LRRC28: variants seen among roughly 807,000 people sequenced by gnomAD.
The protein encoded by LRRC28 is leucine rich repeat containing 28.
Under a neutral mutation model 45.7 loss-of-function variants are expected in LRRC28, and 39 were observed. The ratio of observed to expected loss-of-function variants is 0.85; its 90% CI spans 0.66 to 1.12. The LOEUF (loss-of-function observed/expected upper bound fraction) is 1.12, where lower values mean the gene tolerates loss of function less well. Among genes scored for constraint, LRRC28 ranks in the 50% most tolerant of loss-of-function variants. The pLI, the probability that LRRC28 is intolerant of heterozygous loss-of-function variation, is 0.00. For synonymous variants in LRRC28, 206 were observed against 178.8 expected (o/e 1.15, Z -1.22); for missense variants, 435 against 438.5 (o/e 0.99, Z 0.07).
At chr15:99,267,990 T>C (rs2081375947) in intron 2 of LRRC28, among the ~76,000 whole-genome samples, 1 of 152,218 alleles carries the variant, frequency 6.6e-6, no homozygotes, top group South Asian at 2.1e-4. Flanking sequence ...ACAATTTTTC[T>C]TTTTGAGGAA....
In LRRC28 at chr15:99,338,749, C is replaced by T. The variant is rs530689166; in HGVS notation, c.592+4620C>T. 9.8e-5 allele frequency among the ~76,000 whole-genome samples: 15 copies of T among 152,294 alleles called. No homozygotes were observed. The South Asian group carries it at 3.1e-3, about 32-fold the overall frequency. The stretch of plus-strand genomic sequence containing the variant: ...AGCCTCTTCAAAAGGTAACTAGAGA[C>T]ACCACCTGTAAGGATGACTTAAATC... On this transcript the variant is annotated intron_variant, in intron 6 of 9. Transcript: ENST00000301981.
chr15:99,258,923 G>A, intron 2 of LRRC28: 2 of 724,572 alleles, frequency 2.8e-6, no homozygotes, highest in Non-Finnish European at 2.6e-6. Flanking sequence ...CAAGGGTGTG[G>A]TGGACTCAGG....
intron 2 of LRRC28, among the ~76,000 whole-genome samples, chr15:99,267,657 G>A (rs909107397): frequency 3.3e-5 from 5 of 152,174 alleles, no homozygotes; most frequent in Admixed American, 2.0e-4. Context: ...TTTAGTGTTT[G>A]TAAGTAAATG....
chr15:99,372,483 A>G (rs186357033), intron 9 of LRRC28, among the ~76,000 whole-genome samples: 3 of 152,322 alleles, frequency 2.0e-5, no homozygotes, highest in African/African-American at 7.2e-5. Flanking sequence ...CTTAACCAAC[A>G]TGAATCCATT....
intron 9 of LRRC28, among the ~76,000 whole-genome samples, chr15:99,374,278 A>G (rs1261036530): frequency 1.3e-5 from 2 of 152,216 alleles, no homozygotes; most frequent in Non-Finnish European, 2.9e-5. Flanking sequence ...TTTCGTCAGC[A>G]TCTTAAATAA....
chr15:99,359,607 G>A (rs1454735988), intron 7 of LRRC28, among the ~76,000 whole-genome samples: 3 of 152,096 alleles, frequency 2.0e-5, no homozygotes, highest in Non-Finnish European at 4.4e-5. Flanking sequence ...ATTTTTCATG[G>A]CCAGTGGTCT....
intron 2 of LRRC28, among the ~76,000 whole-genome samples, chr15:99,275,149 T>C (rs956387211): frequency 1.3e-5 from 2 of 152,252 alleles, no homozygotes; most frequent in African/African-American, 4.8e-5. Context: ...TATACTTGTG[T>C]GTGTGCGTAT....
At chr15:99,312,814 C>T (rs1334416619) in intron 5 of LRRC28, among the ~76,000 whole-genome samples, 1 of 151,870 alleles carries the variant, frequency 6.6e-6, no homozygotes, top group Non-Finnish European at 1.5e-5. Flanking sequence ...CTATTGTTGA[C>T]CAAAACGTAG....
chr15:99,252,579 A>C (rs1469666242), intron 1 of LRRC28, among the ~76,000 whole-genome samples: 4 of 152,226 alleles, frequency 2.6e-5, no homozygotes, highest in Admixed American at 2.6e-4. Flanking sequence ...ACCCTCTGAG[A>C]AACTCAGTTT....
chr15:99,285,765 T>G, intron 3 of LRRC28: 1 of 517,874 alleles, frequency 1.9e-6, no homozygotes, highest in Non-Finnish European at 3.6e-6. Context: ...GTCTTTTTTA[T>G]AGGTGGAACT....
At chr15:99,269,287 A>G (rs1401880036) in intron 2 of LRRC28, among the ~76,000 whole-genome samples, 2 of 152,240 alleles carry the variant, frequency 1.3e-5, no homozygotes, top group Non-Finnish European at 2.9e-5. Context: ...TAAAACATTT[A>G]TCATTCTTAC....
chr15:99,315,928 CCTA>C (rs1315657377), intron 5 of LRRC28, among the ~76,000 whole-genome samples: 1 of 152,176 alleles, frequency 6.6e-6, no homozygotes, highest in Non-Finnish European at 1.5e-5. Context: ...ATTATCTTCA[CCTA>C]CTAGAAGCCT....
chr15:99,384,510 C>T (rs945766182), intron 9 of LRRC28: 4 of 152,146 alleles, frequency 2.6e-5, no homozygotes, highest in African/African-American at 9.7e-5. Context: ...CACTTAAGGC[C>T]ACCATAAAAA....
intron 9 of LRRC28, among the ~76,000 whole-genome samples, chr15:99,365,932 C>G (rs1213487131): frequency 6.6e-6 from 1 of 152,162 alleles, no homozygotes; most frequent in Non-Finnish European, 1.5e-5. Context: ...TTTTCACTTT[C>G]AAAACTTATT....
At chr15:99,321,082 T>G (rs1047512356) in intron 5 of LRRC28, among the ~76,000 whole-genome samples, 2 of 152,214 alleles carry the variant, frequency 1.3e-5, no homozygotes, top group East Asian at 3.8e-4. Context: ...CCTTCAGAGT[T>G]TGAGGCATGT....
intron 2 of LRRC28, among the ~76,000 whole-genome samples, chr15:99,273,259 T>C (rs1005541591): frequency 4.6e-5 from 7 of 152,124 alleles, no homozygotes; most frequent in South Asian, 2.1e-4. Context: ...TTTTTTGAGA[T>C]GGAGTCTCAC....
In LRRC28 at chr15:99,281,254, T is replaced by C. The variant is rs1395255449; in HGVS notation, c.209+4638T>C. Among the ~76,000 whole-genome samples the C allele has an allele frequency of 2.0e-5, 3 of 152,152 alleles. No individual in the cohort carries two copies. The East Asian group carries it at 5.8e-4, about 29-fold the overall frequency. On this transcript the variant is annotated intron_variant, in intron 3 of 9. Coordinates refer to ENST00000301981, the MANE Select transcript of LRRC28 (RefSeq NM_144598.5). Reference sequence around the variant, plus strand: ...GTGTTGCCCAGGCTGGCTTTCTGTGTGTGTTTTTGAGACAGGGTCTTACAT... The same window carrying C: ...GTGTTGCCCAGGCTGGCTTTCTGTGCGTGTTTTTGAGACAGGGTCTTACAT...
At position 99,368,527 on chromosome 15, in the gene LRRC28, G is replaced by T. The variant is rs1042406455; in HGVS notation, c.1031+5262G>T. 1.0e-3 allele frequency among the ~76,000 whole-genome samples: 156 copies of T among 152,252 alleles called. 1 individual carries two copies. The highest frequency in any genetic ancestry group is 3.7e-3 in the African/African-American group (155 of 41,552). ...CCTTAGTCCTGGATGAACCAAAGAG[G>T]TTGCCCTGCCCCTGGAATTGAGAAG... On this transcript the variant is annotated intron_variant, in intron 9 of 9. Transcript: ENST00000301981.
At chr15:99,279,758 T>G (rs1485225862) in intron 3 of LRRC28, among the ~76,000 whole-genome samples, 4 of 152,196 alleles carry the variant, frequency 2.6e-5, no homozygotes, top group Admixed American at 2.6e-4. Context: ...AAGCCTTAGG[T>G]TCATTTCCAG....
Sources: allele counts gnomAD v4.1 joint callset (sites outside exome capture counted in the v4.1 genomes callset), GRCh38; gene constraint gnomAD v4.1.1; transcripts MANE v1.5; gene names NCBI Gene and HGNC (gene_info 2026-07-23, HGNC 2026-07-21).